The following SLC4A4 variants were observed in gnomAD, a reference collection of about 807,000 sequenced individuals.
SLC4A4 encodes the protein solute carrier family 4 member 4.
Under a neutral mutation model 111.5 loss-of-function variants are expected in SLC4A4, and 27 were observed. That is an observed-to-expected ratio of 0.24 (90% CI 0.18 to 0.33). SLC4A4 has a LOEUF of 0.33. Ranked by LOEUF, SLC4A4 falls within the 10% of genes least tolerant of loss-of-function variation. SLC4A4 has a pLI of 1.00. For synonymous variants in SLC4A4, 443 were observed against 463.4 expected (o/e 0.96, Z 0.57); for missense variants, 909 against 1,315.5 (o/e 0.69, Z 4.78).
chr4:71,244,090 A>G (rs986384215), intron 2 of SLC4A4, among the ~76,000 whole-genome samples: 2 of 152,350 alleles, frequency 1.3e-5, no homozygotes, highest in African/African-American at 4.8e-5. Context: ...AGGAAATTTG[A>G]TTCCTACTGA....
At chr4:71,276,742 C>G (rs1293753398) in intron 3 of SLC4A4, among the ~76,000 whole-genome samples, 5 of 152,090 alleles carry the variant, frequency 3.3e-5, no homozygotes, top group African/African-American at 1.2e-4. Flanking sequence ...GTTTCTGGTT[C>G]CAGGCTTTTG....
chr4:71,398,061 G>A (rs193286611), intron 7 of SLC4A4, among the ~76,000 whole-genome samples: 6 of 152,122 alleles, frequency 3.9e-5, no homozygotes, highest in East Asian at 3.9e-4. Flanking sequence ...TGAGGTGGGC[G>A]GATCACTTGA....
intron 16 of SLC4A4, among the ~76,000 whole-genome samples, chr4:71,523,886 C>T (rs1429887591): frequency 6.6e-6 from 1 of 152,132 alleles, no homozygotes; most frequent in Middle Eastern, 3.4e-3. Context: ...ATAATTTGGT[C>T]TTAATGAATT....
intron 25 of SLC4A4, among the ~76,000 whole-genome samples, 195 bp downstream of exon 25, chr4:71,567,278 C>T (rs1270174660): frequency 1.3e-5 from 2 of 151,764 alleles, no homozygotes; most frequent in African/African-American, 4.8e-5. Flanking sequence ...GTTACTATTA[C>T]AAATAATGGA....
In SLC4A4 at chr4:71,473,216, T is replaced by C. The variant is rs558768478; in HGVS notation, c.1903+246T>C. 223 of 639,086 alleles carry C rather than the reference T, an allele frequency of 3.5e-4. No individual in the cohort carries two copies. In the East Asian group the frequency reaches 6.0e-3, roughly 17 times the overall value. The allele number at this position is 639,086 out of a possible 1,614,324, so 39.6% of individuals were successfully genotyped here. A position where few individuals can be genotyped will look rare whatever the true frequency, so the allele number is the denominator to read the frequency against. On this transcript the variant is annotated intron_variant, in intron 14 of 25. Coordinates refer to ENST00000264485, the MANE Select transcript of SLC4A4 (RefSeq NM_001098484.3). ...ACCAACTCAATATTTTGAAATTAAC[T>C]CAAACTGTGGGATTTGCAAGGAATT...
At chr4:71,533,648 A>C (rs367574915) in intron 17 of SLC4A4, among the ~76,000 whole-genome samples, 1 of 151,926 alleles carries the variant, frequency 6.6e-6, no homozygotes, top group East Asian at 1.9e-4. Flanking sequence ...TCATTATTTC[A>C]TATGTAAAAT....
chr4:71,453,737 G>T, intron 12 of SLC4A4, 68 bp downstream of exon 12: 1 of 1,438,440 alleles, frequency 7.0e-7, no homozygotes, highest in South Asian at 1.1e-5. Context: ...CTACAGCTCA[G>T]TTAGAAGCAG....
At chr4:71,511,195 CTT>C (rs1302448987) in intron 16 of SLC4A4, among the ~76,000 whole-genome samples, 1 of 152,168 alleles carries the variant, frequency 6.6e-6, no homozygotes, top group East Asian at 1.9e-4. Context: ...TATACACTTA[CTT>C]TTATCAGTGA....
rs114911221 is a variant in SLC4A4, at chr4:71,082,623, T to C, written c.-64-10107T>C. On this transcript the variant is annotated intron_variant, in intron 1 of 26. Transcript: ENST00000649996. ...ACTATTTCAAACATTGGGGAAACAA[T>C]AGAGATTAATATAACAATACCATGT... Among the ~76,000 whole-genome samples, 325 of 152,144 alleles carry C rather than the reference T, an allele frequency of 2.1e-3. 1 individual carries two copies. The highest frequency in any genetic ancestry group is 7.3e-3 in the African/African-American group (304 of 41,426).
chr4:71,434,492 T>C (rs1388307959), intron 7 of SLC4A4: 1 of 178,710 alleles, frequency 5.6e-6, no homozygotes, highest in Non-Finnish European at 1.2e-5. Flanking sequence ...CCTTTATCTT[T>C]ATAAGATCTG....
intron 2 of SLC4A4, among the ~76,000 whole-genome samples, chr4:71,105,237 G>T (rs1451305877): frequency 6.7e-6 from 1 of 149,820 alleles, no homozygotes; most frequent in Non-Finnish European, 1.5e-5. Flanking sequence ...CCTCTTCAAG[G>T]AGAACTACAA....
intron 2 of SLC4A4, among the ~76,000 whole-genome samples, chr4:71,239,354 T>C (rs1458977167): frequency 6.6e-6 from 1 of 152,214 alleles, no homozygotes; most frequent in East Asian, 1.9e-4. Context: ...TGATAGTTCT[T>C]GTTACTTTGA....
intron 2 of SLC4A4, among the ~76,000 whole-genome samples, chr4:71,142,737 C>G (rs1337537534): frequency 6.8e-6 from 1 of 147,010 alleles, no homozygotes; most frequent in Non-Finnish European, 1.5e-5. Context: ...TCCAGCCATT[C>G]CAAAGGCACA....
chr4:71,412,515 G>T (rs1721448694), intron 7 of SLC4A4, among the ~76,000 whole-genome samples: 1 of 152,174 alleles, frequency 6.6e-6, no homozygotes, highest in African/African-American at 2.4e-5. Context: ...ATATAAGGAT[G>T]AATTATATAG....
chr4:71,138,273 C>T (rs546691407), intron 2 of SLC4A4, among the ~76,000 whole-genome samples: 2 of 152,232 alleles, frequency 1.3e-5, no homozygotes, highest in Non-Finnish European at 2.9e-5. Context: ...CCTTGCTTGC[C>T]TCACTAATCA....
Position 71,350,075 on chromosome 4 carries a change from A to G in SLC4A4, c.550+3A>G, listed in dbSNP as rs199790542. 751 of 1,613,990 alleles carry G rather than the reference A, an allele frequency of 4.7e-4. 3 individuals carry two copies. In the African/African-American group the frequency reaches 8.5e-3, roughly 18 times the overall value. On this transcript the variant is annotated splice_donor_region_variant and intron_variant, in intron 5 of 25. Transcript: ENST00000264485. ...TTCTTCTCTCCCACAGTTGGTGGGT[A>G]AGTATGCTGTTTGAATTTTATCCTA...
At position 71,428,042 on chromosome 4, in the gene SLC4A4, A is replaced by T. The variant is rs566580140; in HGVS notation, c.808-12574A>T. 4.6e-5 allele frequency among the ~76,000 whole-genome samples: 7 copies of T among 152,304 alleles called. No homozygotes were observed. The South Asian group carries it at 1.5e-3, about 32-fold the overall frequency. The stretch of plus-strand genomic sequence containing the variant: ...TTAGAAAGAAAGTCCCCTTGAATTT[A>T]TCAAACTCTAATTCATCAAATTGGC... On this transcript the variant is annotated intron_variant, in intron 7 of 25. Coordinates refer to ENST00000264485, the MANE Select transcript of SLC4A4 (RefSeq NM_001098484.3).
intron 3 of SLC4A4, among the ~76,000 whole-genome samples, chr4:71,261,953 A>G (rs567326452): frequency 6.6e-6 from 1 of 152,052 alleles, no homozygotes; most frequent in African/African-American, 2.4e-5. Flanking sequence ...AAATGGGGGG[A>G]AACCAGAATA....
At chr4:71,159,333 T>A (rs189177880) in intron 2 of SLC4A4, among the ~76,000 whole-genome samples, 1 of 152,292 alleles carries the variant, frequency 6.6e-6, no homozygotes, top group African/African-American at 2.4e-5. Flanking sequence ...TCTATCTCTC[T>A]CTTTCTCTTT....
Sources: gnomAD v4.1 joint callset for allele counts (sites outside exome capture counted in the v4.1 genomes callset) on GRCh38, gnomAD v4.1.1 for gene constraint, MANE v1.5 for transcripts, NCBI Gene and HGNC (gene_info 2026-07-23, HGNC 2026-07-21) for gene names.